PTPRK: variants seen among roughly 807,000 people sequenced by gnomAD.
PTPRK encodes protein tyrosine phosphatase receptor type K.
A neutral mutation model predicts 178.0 loss-of-function variants in PTPRK; 75 were observed. The observed-to-expected ratio is 0.42, with a 90% CI of 0.35 to 0.51. The LOEUF (loss-of-function observed/expected upper bound fraction) is 0.51. PTPRK is among the 20% of genes least tolerant of loss of function. The probability of loss-of-function intolerance (pLI) is 0.02; values close to 1 mark genes in which losing one functional copy is unlikely to be tolerated. For missense variants in PTPRK, 1,441 were observed against 1,797.8 expected (o/e 0.80, Z 3.59); for synonymous variants, 637 against 620.6 (o/e 1.03, Z -0.39).
chr6:128,158,845 T>C (rs1487845717), intron 7 of PTPRK, among the ~76,000 whole-genome samples: 1 of 151,916 alleles, frequency 6.6e-6, no homozygotes, highest in Non-Finnish European at 1.5e-5. Flanking sequence ...AGGAAGCTTG[T>C]TTAATTCCTC....
rs572341399 is a variant in PTPRK at position 128,371,179 on chromosome 6, C to T, written c.223+26387G>A. Reference sequence around the variant, plus strand: ...ACTCAAAAAACACTTTCTTTGTCTTCGATTATTTCCCTTTACAATTATTAT... The same window carrying T: ...ACTCAAAAAACACTTTCTTTGTCTTTGATTATTTCCCTTTACAATTATTAT... On this transcript the variant is annotated intron_variant, in intron 2 of 29. Transcript: ENST00000368226. Among the ~76,000 whole-genome samples the T allele has an allele frequency of 6.6e-5, 10 of 152,244 alleles. No homozygotes were observed. In the East Asian group the frequency reaches 1.7e-3, roughly 26 times the overall value.
intron 2 of PTPRK, among the ~76,000 whole-genome samples, chr6:128,359,315 C>A (rs1326740520): frequency 1.3e-5 from 2 of 152,016 alleles, no homozygotes; most frequent in African/African-American, 4.8e-5. Flanking sequence ...CACATCTAGC[C>A]AAGGCAGTAT....
chr6:128,204,005 T>C (rs1806457960), intron 6 of PTPRK, among the ~76,000 whole-genome samples: 1 of 152,274 alleles, frequency 6.6e-6, no homozygotes, highest in South Asian at 2.1e-4. Context: ...GGAGGCATCA[T>C]ACTACCCAAC....
intron 1 of PTPRK, among the ~76,000 whole-genome samples, chr6:128,456,125 C>T (rs1033663260): frequency 6.6e-6 from 1 of 151,990 alleles, no homozygotes; most frequent in African/African-American, 2.4e-5. Context: ...AATTCAAGAT[C>T]CAGCAGTGGA....
intron 3 of PTPRK, among the ~76,000 whole-genome samples, chr6:128,246,237 G>A (rs1434066900): frequency 6.6e-6 from 1 of 151,988 alleles, no homozygotes; most frequent in Non-Finnish European, 1.5e-5. Context: ...TTTCAGTTTT[G>A]TTGTCAGTAT....
Position 128,033,770 on chromosome 6 carries a change from G to A in PTPRK, c.2195-24502C>T, listed in dbSNP as rs117580062. On this transcript the variant is annotated intron_variant, in intron 13 of 29. Coordinates refer to ENST00000368226, the MANE Select transcript of PTPRK (RefSeq NM_002844.4). ...CTTGTGTCTGTGGTTCCAGCTACCT[G>A]AGAGACTGAGGGGGGAGTATTTCTT... Among the ~76,000 whole-genome samples the A allele has an allele frequency of 8.8e-3, 1,333 of 152,142 alleles. 46 individuals are homozygous for A. Among genetic ancestry groups the A allele is most frequent in the East Asian group, 0.052 (270 of 5,174 alleles).
chr6:128,146,661 C>T (rs1415014408), intron 7 of PTPRK, among the ~76,000 whole-genome samples: 6 of 151,940 alleles, frequency 3.9e-5, no homozygotes, highest in African/African-American at 1.5e-4. Flanking sequence ...ATTTCCTGAC[C>T]TCGTGATCCG....
intron 7 of PTPRK, among the ~76,000 whole-genome samples, chr6:128,091,349 C>G (rs1786913953): frequency 6.6e-6 from 1 of 152,134 alleles, no homozygotes; most frequent in South Asian, 2.1e-4. Context: ...ATGTTTAGCT[C>G]TATGCTAAGA....
Position 128,430,966 on chromosome 6 carries a change from T to G in PTPRK, c.101-33278A>C, listed in dbSNP as rs1005323542. ...TTTTTTTTTTTTTTTTGAGATGGAG[T>G]CTTGCTGCGTCACCCAGGCTGGAGT... On this transcript the variant is annotated intron_variant, in intron 1 of 29. Coordinates refer to ENST00000368226, the MANE Select transcript of PTPRK (RefSeq NM_002844.4). Among the ~76,000 whole-genome samples, 6 of 146,848 alleles carry G rather than the reference T, an allele frequency of 4.1e-5. No homozygotes were observed. In the Admixed American group the frequency reaches 4.1e-4, roughly 10 times the overall value.
chr6:128,118,007 T>C (rs1420427210), intron 7 of PTPRK, among the ~76,000 whole-genome samples: 1 of 152,170 alleles, frequency 6.6e-6, no homozygotes, highest in East Asian at 1.9e-4. Context: ...AGGATAAACA[T>C]GATCCAAGAA....
chr6:128,392,252 C>A (rs1326536361), intron 2 of PTPRK, among the ~76,000 whole-genome samples: 2 of 152,068 alleles, frequency 1.3e-5, no homozygotes, highest in African/African-American at 4.8e-5. Context: ...AGTAATTTAA[C>A]AACAAAGGGC....
intron 1 of PTPRK, among the ~76,000 whole-genome samples, chr6:128,400,015 T>C (rs937732608): frequency 9.8e-5 from 15 of 152,318 alleles, no homozygotes; most frequent in African/African-American, 2.6e-4. Flanking sequence ...ATAAAACTTT[T>C]ACAAATTTTT....
At chr6:128,057,893 T>C (rs1780172455) in intron 13 of PTPRK, among the ~76,000 whole-genome samples, 1 of 152,196 alleles carries the variant, frequency 6.6e-6, no homozygotes, top group Non-Finnish European at 1.5e-5. Context: ...TTTTATTAGT[T>C]ATTTTACCTC....
intron 13 of PTPRK, among the ~76,000 whole-genome samples, chr6:128,043,051 T>C (rs1417812581): frequency 6.6e-6 from 1 of 152,026 alleles, no homozygotes; most frequent in Non-Finnish European, 1.5e-5. Context: ...GTTGATATTA[T>C]TTGAAAAAAA....
chr6:128,400,130 G>C (rs1026964923), intron 1 of PTPRK, among the ~76,000 whole-genome samples: 1 of 152,064 alleles, frequency 6.6e-6, no homozygotes, highest in South Asian at 2.1e-4. Context: ...CAAACTATGG[G>C]AGACATATAT....
At chr6:128,385,224 G>GA (rs1261724402) in intron 2 of PTPRK, among the ~76,000 whole-genome samples, 1 of 151,708 alleles carries the variant, frequency 6.6e-6, no homozygotes, top group African/African-American at 2.4e-5. Flanking sequence ...AACAAATTCA[G>GA]AAAAAATAAA....
At chr6:128,178,195 C>A (rs184736700) in intron 7 of PTPRK, among the ~76,000 whole-genome samples, 1 of 151,864 alleles carries the variant, frequency 6.6e-6, no homozygotes, top group African/African-American at 2.4e-5. Flanking sequence ...CTTTGGATTA[C>A]TGAAGTATGT....
intron 6 of PTPRK, among the ~76,000 whole-genome samples, chr6:128,199,651 C>T (rs1805550834): frequency 6.6e-6 from 1 of 151,732 alleles, no homozygotes; most frequent in Non-Finnish European, 1.5e-5. Flanking sequence ...CCAGAAAATC[C>T]ACCAACTCCC....
intron 2 of PTPRK, among the ~76,000 whole-genome samples, chr6:128,367,600 TA>T (rs1835693796): frequency 6.6e-6 from 1 of 152,166 alleles, no homozygotes; most frequent in Non-Finnish European, 1.5e-5. Context: ...CAAAAGAATC[TA>T]AACCGTCAAG....
Sources: allele counts gnomAD v4.1 joint callset (sites outside exome capture counted in the v4.1 genomes callset), GRCh38; gene constraint gnomAD v4.1.1; transcripts MANE v1.5; gene names NCBI Gene and HGNC (gene_info 2026-07-23, HGNC 2026-07-21).